The following TNS1 variants were observed in gnomAD, a reference collection of about 807,000 sequenced individuals.
TNS1 encodes the protein tensin 1, also known as tensin-1.
TNS1 carries 62 observed loss-of-function variants against 168.6 expected under a neutral mutation model. That is an observed-to-expected ratio of 0.37 (90% CI 0.30 to 0.45). The LOEUF is 0.45. Ranked by LOEUF, TNS1 falls within the 20% of genes least tolerant of loss-of-function variation. TNS1 has a pLI of 1.00. For missense variants in TNS1, 2,240 were observed against 2,339.4 expected, an observed-to-expected ratio of 0.96 and a Z score of 0.88; for synonymous variants, 934 against 933.2, an observed-to-expected ratio of 1.00 and a Z score of -0.02.
chr2:217,859,570 G>C, intron 18 of TNS1: 1 of 1,395,472 alleles, frequency 7.2e-7, no homozygotes, highest in Non-Finnish European at 9.8e-7. Flanking sequence ...TTTGGATTCT[G>C]GCTTGGCAAC....
intron 18 of TNS1, chr2:217,879,419 A>G (rs1478739999): frequency 4.4e-6 from 2 of 453,976 alleles, no homozygotes; most frequent in African/African-American, 4.0e-5. Flanking sequence ...TTGGCCGCTC[A>G]GCGCCCGGGG....
chr2:217,971,368 G>T (rs559087652), intron 3 of TNS1, among the ~76,000 whole-genome samples: 24 of 152,184 alleles, frequency 1.6e-4, no homozygotes. Context: ...TCAGCATGAC[G>T]TTTTAGAGGT....
intron 19 of TNS1, among the ~76,000 whole-genome samples, chr2:217,841,820 C>A (rs1048062643): frequency 6.6e-6 from 1 of 152,320 alleles, no homozygotes; most frequent in South Asian, 2.1e-4. Context: ...CCACAGCCAT[C>A]TGAGTGATCC....
At chr2:217,828,192 G>A (rs1419171796) in intron 22 of TNS1, among the ~76,000 whole-genome samples, 1 of 152,202 alleles carries the variant, frequency 6.6e-6, no homozygotes, top group Non-Finnish European at 1.5e-5. Context: ...CCAGCAGAGG[G>A]AAGCATGCTG....
At chr2:217,977,708 G>A (rs1311787844) in intron 3 of TNS1, among the ~76,000 whole-genome samples, 6 of 152,142 alleles carry the variant, frequency 3.9e-5, no homozygotes, top group African/African-American at 1.2e-4. Context: ...AACTCAGAGA[G>A]GTACATAACT....
intron 3 of TNS1, among the ~76,000 whole-genome samples, chr2:217,942,426 A>C (rs1052125963): frequency 2.0e-5 from 3 of 152,108 alleles, no homozygotes; most frequent in East Asian, 1.9e-4. Flanking sequence ...TCTCCATCTC[A>C]ATCCACATCC....
chr2:217,820,857 G>A (rs1374374887), intron 23 of TNS1, among the ~76,000 whole-genome samples: 2 of 152,072 alleles, frequency 1.3e-5, no homozygotes, highest in Non-Finnish European at 2.9e-5. Context: ...TCATCTCTGT[G>A]TGATGCACTC....
Position 217,897,675 on chromosome 2 carries a change from T to A in TNS1, c.543+123A>T, listed in dbSNP as rs761621260. The A allele has an allele frequency of 2.3e-5, 25 of 1,093,228 alleles. 2 individuals are homozygous for A. In the South Asian group the frequency reaches 4.1e-4, roughly 18 times the overall value. The allele number at this position is 1,093,228 out of a possible 1,614,324, so 67.7% of individuals were successfully genotyped here. On this transcript the variant is annotated intron_variant, in intron 8 of 32. Coordinates refer to ENST00000682258, the MANE Select transcript of TNS1 (RefSeq NM_001387777.1). ...AGAGCTGCCTGAGGGGAAAGGCAGA[T>A]AAACAAAGAGAAGAGGGCATGCTGG...
In TNS1 at chr2:217,818,200, G is replaced by C; in HGVS notation, c.4132C>G (p.Arg1378Gly). The change falls in exon 24 of 33, where the codon CGG becomes GGG. Residue 1378 changes from arginine to glycine, a missense_variant. Around this residue, in one of 2 missense-constraint regions of TNS1, gnomAD observed 2,131 missense variants for 2,171.2 expected, o/e 0.98. Coordinates refer to ENST00000682258, the MANE Select transcript of TNS1 (RefSeq NM_001387777.1). The part of the protein sequence containing the change: ...ATTPGSPSLG[R>G]HPGAHQGNLA... ...TTGCCTTGGTGAGCCCCAGGGTGCC[G>C]GCCCAGGCTGGGACTCCCCGGGGTG... is the stretch of plus-strand genomic sequence containing the variant. The C allele has an allele frequency of 6.2e-7, 1 of 1,613,884 alleles. No homozygotes were observed. Among genetic ancestry groups the C allele is most frequent in the Non-Finnish European group, 8.5e-7 (1 of 1,179,924 alleles).
At chr2:217,830,116 G>A (rs1323619375) in intron 22 of TNS1, 1 of 559,842 alleles carries the variant, frequency 1.8e-6, no homozygotes, top group Non-Finnish European at 2.3e-6. Context: ...ACCCTGCAAA[G>A]GACCCCAAGG....
chr2:217,972,587 G>C lies in TNS1; in HGVS notation c.186+6178C>G, dbSNP rs552995663. 2.5e-3 allele frequency among the ~76,000 whole-genome samples: 379 copies of C among 152,336 alleles called. 2 individuals carry two copies. Among genetic ancestry groups the C allele is most frequent in the East Asian group, 3.9e-3 (20 of 5,190 alleles). On this transcript the variant is annotated intron_variant, in intron 3 of 32. Coordinates refer to ENST00000682258, the MANE Select transcript of TNS1 (RefSeq NM_001387777.1). ...CCTCCCTCCGCCTCAGTTGGTACTT[G>C]GGACTGGAAAGAGGTAACAGAGAGC...
chr2:217,963,079 C>T (rs1957538831), intron 3 of TNS1, among the ~76,000 whole-genome samples: 1 of 152,166 alleles, frequency 6.6e-6, no homozygotes, highest in Non-Finnish European at 1.5e-5. Flanking sequence ...AAAACAAAAA[C>T]TTGGGTTCTA....
chr2:218,025,448 C>T (rs1376954743), intron 1 of TNS1, among the ~76,000 whole-genome samples: 1 of 152,066 alleles, frequency 6.6e-6, no homozygotes, highest in Admixed American at 6.5e-5. Context: ...CTGGGTTTTA[C>T]CATCCTGGCC....
intron 4 of TNS1, among the ~76,000 whole-genome samples, chr2:217,919,423 C>T (rs3791915): frequency 0.022 from 3,379 of 152,356 alleles, 157 homozygotes; most frequent in East Asian, 0.21. Context: ...CGGGACACAC[C>T]CACACACCTG....
chr2:217,870,649 G>A (rs1236622875), intron 18 of TNS1, among the ~76,000 whole-genome samples: 1 of 152,182 alleles, frequency 6.6e-6, no homozygotes, highest in Non-Finnish European at 1.5e-5. Context: ...TGTGCCCAGA[G>A]CTCCGGCTGG....
Position 217,836,292 on chromosome 2 carries a change from G to A in TNS1, c.3008-81C>T, listed in dbSNP as rs921423783. 11 of 1,385,240 alleles carry A rather than the reference G, an allele frequency of 7.9e-6. No homozygotes were observed. The African/African-American group carries it at 1.6e-4, about 20-fold the overall frequency. 85.8% of individuals were successfully genotyped at this position (1,385,240 alleles called of 1,614,324 possible). A position where few individuals can be genotyped will look rare whatever the true frequency, so the allele number is the denominator to read the frequency against. ...AATCGGCCTAATCCCATCAGAGAAG[G>A]CAGTGCCTCCTAGCTCAGAGGCCAT... On this transcript the variant is annotated intron_variant, in intron 19 of 32. Transcript: ENST00000682258.
chr2:217,959,082 G>T (rs915114504), intron 3 of TNS1, among the ~76,000 whole-genome samples: 2 of 152,186 alleles, frequency 1.3e-5, no homozygotes, highest in Non-Finnish European at 2.9e-5. Flanking sequence ...GCGGGGAGGG[G>T]GCTGTTGGGA....
intron 18 of TNS1, among the ~76,000 whole-genome samples, chr2:217,876,723 A>G (rs1950235127): frequency 6.6e-6 from 1 of 152,148 alleles, no homozygotes; most frequent in South Asian, 2.1e-4. Flanking sequence ...CACTACTCCA[A>G]TACGTCTGGT....
rs976774940 is a variant in TNS1 at position 217,848,314 on chromosome 2, C to T, written c.2203G>A (p.Ala735Thr). ...WPQPVTTSHY[A>T]HDPSGMFRSQ... ...CGGAACATACCGCTGGGGTCATGGG[C>T]ATAGTGGGAGGTGGTCACTGGCTGT... Residue 735 changes from alanine (A) to threonine (T), a missense_variant, in exon 19 of 33, where the codon GCC (alanine) becomes ACC (threonine). Coordinates refer to ENST00000682258, the MANE Select transcript of TNS1 (RefSeq NM_001387777.1). The T allele has an allele frequency of 7.2e-6, 11 of 1,537,242 alleles. No individual in the cohort carries two copies. The highest frequency in any genetic ancestry group is 4.0e-5 in the Admixed American group (2 of 49,802).
Sources: allele counts gnomAD v4.1 joint callset (sites outside exome capture counted in the v4.1 genomes callset), GRCh38; gene constraint gnomAD v4.1.1; regional missense constraint gnomAD v4.1.1; transcripts MANE v1.5; gene names NCBI Gene and HGNC (gene_info 2026-07-23, HGNC 2026-07-21).